Variants in DEGS2 observed in about 807,000 individuals in gnomAD.
The protein encoded by DEGS2 is sphingolipid delta(4)-desaturase/C4-monooxygenase DES2.
In DEGS2, 19 loss-of-function variants were observed where a neutral mutation model predicts 23.8. The ratio of observed to expected loss-of-function variants is 0.80; its 90% CI spans 0.56 to 1.17. The LOEUF (loss-of-function observed/expected upper bound fraction) is 1.17. DEGS2 is among the 50% of genes most tolerant of loss of function. DEGS2 has a pLI of 0.00. For missense variants in DEGS2, 390 were observed against 459.5 expected (o/e 0.85, Z 1.38); for synonymous variants, 218 against 213.7 (o/e 1.02, Z -0.18).
intron 1 of DEGS2, 131 bp downstream of exon 1, chr14:100,159,375 C>T (rs1321474779): frequency 4.4e-6 from 3 of 675,408 alleles, no homozygotes; most frequent in Non-Finnish European, 6.7e-6. Context: ...GGGAGGGGAG[C>T]GGCAATGGCG....
At chr14:100,157,197 C>T (rs530132261) in intron 1 of DEGS2, among the ~76,000 whole-genome samples, 8 of 152,352 alleles carry the variant, frequency 5.3e-5, no homozygotes, top group East Asian at 3.9e-4. Flanking sequence ...GACGACTGCC[C>T]GTTTTGCAGA....
chr14:100,149,480 T>G lies in DEGS2; in HGVS notation c.313A>C (p.Asn105His). The change falls in exon 2 of 3, where the codon AAC becomes CAC. Residue 105 changes from asparagine to histidine, a missense_variant. Transcript: ENST00000305631. The stretch of plus-strand genomic sequence containing the variant: ...TTGGCGAACACGGCCAGCCAGCGGT[T>G]GCGTGCCGCACGGCCCGTGCCGAAG... The part of the protein sequence containing the change: ...AAFGTGRAAR[N>H]RWLAVFANLP... 1 of 1,597,164 alleles carries G rather than the reference T, an allele frequency of 6.3e-7. No individual in the cohort carries two copies. The highest frequency in any genetic ancestry group is 8.5e-7 in the Non-Finnish European group (1 of 1,172,398).
rs777076661 is a variant in DEGS2 at position 100,149,284 on chromosome 14, TAGA to T, written c.506_508del (p.Phe169del). ...GTGGACGCAGAGCGGCCGTAGTGAGTAGAAGAAGGGCTGCAGCACCAGCCAGAG... is the reference window on the plus strand; with the variant it reads ...GTGGACGCAGAGCGGCCGTAGTGAGTAGAAGGGCTGCAGCACCAGCCAGAG... On this transcript the variant is annotated inframe_deletion, in exon 2 of 3. Coordinates refer to ENST00000305631, the MANE Select transcript of DEGS2 (RefSeq NM_206918.3). 4.0e-5 allele frequency: 64 copies of T among 1,612,492 alleles called. No homozygotes were observed. The highest frequency in any genetic ancestry group is 4.5e-5 in the Non-Finnish European group (53 of 1,179,848).
chr14:100,150,788 GC>G lies in DEGS2; in HGVS notation c.83-1079del, dbSNP rs551664834. Reference sequence around the variant, plus strand: ...TCCTAGGACTCAGCTGCCCCTCCAAGCCCCAGCCTTCCCTCAGGGGCCCCAC... The same window carrying G: ...TCCTAGGACTCAGCTGCCCCTCCAAGCCCAGCCTTCCCTCAGGGGCCCCAC... On this transcript the variant is annotated intron_variant, in intron 1 of 2. Coordinates refer to ENST00000305631, the MANE Select transcript of DEGS2 (RefSeq NM_206918.3). 2.6e-5 allele frequency among the ~76,000 whole-genome samples: 4 copies of G among 152,238 alleles called. No individual in the cohort carries two copies. In the East Asian group the frequency reaches 7.7e-4, roughly 29 times the overall value.
chr14:100,166,353 G>GGGGGAACCTGCCCGGGGCTGT, the DEGS2 span, among the ~76,000 whole-genome samples: 1 of 41,444 alleles, frequency 2.4e-5, no homozygotes, highest in Non-Finnish European at 7.4e-5. Context: ...CCGGGGCTGT[G>GGGGGAACCTGCCCGGGGCTGT]GGGGGAGCCT....
At chr14:100,156,024 G>A (rs1442859591) in intron 1 of DEGS2, among the ~76,000 whole-genome samples, 1 of 152,208 alleles carries the variant, frequency 6.6e-6, no homozygotes, top group Non-Finnish European at 1.5e-5. Context: ...TTATGTTCTA[G>A]GGAGCATGTC....
In DEGS2 at chr14:100,148,925, TG is replaced by T. The variant is rs751403906; in HGVS notation, c.825+42del. The T allele has an allele frequency of 5.0e-6, 8 of 1,584,372 alleles. No individual in the cohort carries two copies. In the East Asian group the frequency reaches 1.8e-4, roughly 35 times the overall value. ...GGGCCCCCACCTCCTCCGATGGCTG[TG>T]CAGCCCTGCCCCGCCGCAGCCCTGC... On this transcript the variant is annotated intron_variant, in intron 2 of 2. Transcript: ENST00000305631.
At chr14:100,150,282 C>T (rs1263998159) in intron 1 of DEGS2, among the ~76,000 whole-genome samples, 3 of 152,154 alleles carry the variant, frequency 2.0e-5, no homozygotes, top group African/African-American at 7.2e-5. Flanking sequence ...GGTCCGAAGG[C>T]ACCACTGCCC....
the DEGS2 span, among the ~76,000 whole-genome samples, chr14:100,166,333 G>A: frequency 8.3e-5 from 5 of 60,324 alleles, no homozygotes; most frequent in Non-Finnish European, 1.4e-4. Flanking sequence ...GGGGCTGTGG[G>A]GGAGCCTGCC....
intron 2 of DEGS2, among the ~76,000 whole-genome samples, 176 bp from the exon 3 acceptor site, chr14:100,147,083 G>A (rs563021284): frequency 2.0e-5 from 3 of 152,296 alleles, no homozygotes; most frequent in African/African-American, 7.2e-5. Context: ...CAAACACACC[G>A]TCGCCTCTGG....
At chr14:100,165,462 G>A in the DEGS2 span, among the ~76,000 whole-genome samples, 1 of 152,252 alleles carries the variant, frequency 6.6e-6, no homozygotes, top group African/African-American at 2.4e-5. Context: ...TCTTTTCAAC[G>A]GCAACATCCC....
intron 1 of DEGS2, among the ~76,000 whole-genome samples, chr14:100,158,545 TAATTA>T (rs897273435): frequency 9.9e-5 from 15 of 152,122 alleles, no homozygotes; most frequent in African/African-American, 9.7e-5. Flanking sequence ...ATAAATAAAT[TAATTA>T]AATTAAATAA....
At chr14:100,147,079 C>T in intron 2 of DEGS2, among the ~76,000 whole-genome samples, 172 bp from the exon 3 acceptor site, 1 of 152,206 alleles carries the variant, frequency 6.6e-6, no homozygotes, top group East Asian at 1.9e-4. Flanking sequence ...AATGCAAACA[C>T]ACCGTCGCCT....
Position 100,149,136 on chromosome 14 carries a change from G to A in DEGS2, c.657C>T (p.Gly219=), listed in dbSNP as rs1460053614. 4.3e-6 allele frequency: 7 copies of A among 1,613,000 alleles called. No individual in the cohort carries two copies. The highest frequency in any genetic ancestry group is 5.9e-6 in the Non-Finnish European group (7 of 1,180,000). The change falls in exon 2 of 3, where the codon GGC becomes GGT. Residue 219 remains glycine (G), a synonymous_variant. Coordinates refer to ENST00000305631, the MANE Select transcript of DEGS2 (RefSeq NM_206918.3). Reference sequence around the variant, plus strand: ...GGCCCGAGATGGGGTGCAGGCCCAGGCCCAGGAAGGAGCTGGCCAGCAGGT... The same window carrying A: ...GGCCCGAGATGGGGTGCAGGCCCAGACCCAGGAAGGAGCTGGCCAGCAGGT... The part of the protein sequence containing the change: ...VVYLLASSFL[G]LGLHPISGHF...
In DEGS2 at chr14:100,159,496, C is replaced by A; in HGVS notation, c.82+10G>T. 1 of 1,486,318 alleles carries A rather than the reference C, an allele frequency of 6.7e-7. No individual in the cohort carries two copies. The highest frequency in any genetic ancestry group is 1.3e-5 in the South Asian group (1 of 78,316). The allele number at this position is 1,486,318 out of a possible 1,614,324, so 92.1% of individuals were successfully genotyped here. A position where few individuals can be genotyped will look rare whatever the true frequency, so the allele number is the denominator to read the frequency against. On this transcript the variant is annotated intron_variant, in intron 1 of 2. Coordinates refer to ENST00000305631, the MANE Select transcript of DEGS2 (RefSeq NM_206918.3). ...GGTCCCCACCGGGGTGGGCCCCGCGCGGCGCTCACCCAGTATCTCCTTGCG... is the reference window on the plus strand; with the variant it reads ...GGTCCCCACCGGGGTGGGCCCCGCGAGGCGCTCACCCAGTATCTCCTTGCG...
At chr14:100,152,951 G>A (rs1889598119) in intron 1 of DEGS2, among the ~76,000 whole-genome samples, 1 of 152,122 alleles carries the variant, frequency 6.6e-6, no homozygotes, top group African/African-American at 2.4e-5. Flanking sequence ...AAGGAAGATA[G>A]GAAGATAGAT....
At chr14:100,147,574 C>T (rs1889471993) in intron 2 of DEGS2, among the ~76,000 whole-genome samples, 1 of 152,080 alleles carries the variant, frequency 6.6e-6, no homozygotes, top group Non-Finnish European at 1.5e-5. Context: ...GCTTCAGCGC[C>T]CGCAACTGCG....
chr14:100,148,863 A>C (rs1889505638), intron 2 of DEGS2, 105 bp downstream of exon 2: 7 of 1,330,930 alleles, frequency 5.3e-6, no homozygotes, highest in Non-Finnish European at 7.2e-6. Flanking sequence ...TAGCACAAAA[A>C]GGGAGAGGCT....
At chr14:100,166,305 CT>C in the DEGS2 span, among the ~76,000 whole-genome samples, 2 of 25,464 alleles carry the variant, frequency 7.9e-5, no homozygotes, top group Admixed American at 4.3e-4. Flanking sequence ...CTGCCCGGGG[CT>C]GTGGGGGAGC....
Sources: allele counts gnomAD v4.1 joint callset (sites outside exome capture counted in the v4.1 genomes callset), GRCh38; gene constraint gnomAD v4.1.1; transcripts MANE v1.5; gene names NCBI Gene and HGNC (gene_info 2026-07-23, HGNC 2026-07-21).